The following SUN1 variants were observed in gnomAD, a reference collection of about 807,000 sequenced individuals.
SUN1 encodes SUN domain-containing protein 1.
SUN1 carries 61 observed loss-of-function variants against 103.2 expected under a neutral mutation model. The ratio of observed to expected loss-of-function variants is 0.59; its 90% confidence interval spans 0.48 to 0.73. SUN1 has a LOEUF of 0.73. Among genes scored for constraint, SUN1 ranks in the 30% least tolerant of loss-of-function variants. The pLI is 0.00. For missense variants in SUN1, 1,052 were observed against 1,034.6 expected (o/e 1.02, Z -0.23); for synonymous variants, 490 against 425.7 (o/e 1.15, Z -1.86).
At chr7:824,836 A>G (rs999772395) in intron 1 of SUN1, among the ~76,000 whole-genome samples, 9 of 147,144 alleles carry the variant, frequency 6.1e-5, no homozygotes, top group African/African-American at 2.0e-4. Context: ...GTGTGCTGGG[A>G]GGCAGTCCAG....
chr7:831,358 G>A (rs570294158), upstream of SUN1, among the ~76,000 whole-genome samples: 3 of 149,424 alleles, frequency 2.0e-5, no homozygotes, highest in East Asian at 2.0e-4. Context: ...TGCAAGCTCC[G>A]CCTCCCGGGT....
intron 1 of SUN1, among the ~76,000 whole-genome samples, chr7:824,511 T>C (rs1409892213): frequency 6.6e-6 from 1 of 152,242 alleles, no homozygotes; most frequent in African/African-American, 2.4e-5. Flanking sequence ...CCTAGACGCT[T>C]TGCAGTAATA....
intron 5 of SUN1, among the ~76,000 whole-genome samples, chr7:845,189 G>A (rs1221252077): frequency 2.0e-5 from 3 of 152,130 alleles, no homozygotes; most frequent in Non-Finnish European, 2.9e-5. Context: ...GTATGCTGGC[G>A]GTCAGGGCCC....
chr7:865,669 C>G (rs1279255934), intron 15 of SUN1, among the ~76,000 whole-genome samples: 5 of 152,182 alleles, frequency 3.3e-5, no homozygotes, highest in Non-Finnish European at 5.9e-5. Flanking sequence ...CTCCAAACCA[C>G]TCTCCATGGT....
chr7:841,244 A>T (rs1454524308), intron 2 of SUN1, among the ~76,000 whole-genome samples: 20 of 120,082 alleles, frequency 1.7e-4, no homozygotes, highest in Middle Eastern at 5.4e-3. Flanking sequence ...ATGACCACCT[A>T]TTTTTTTTTT....
intron 7 of SUN1, chr7:852,369 C>A: frequency 1.7e-6 from 1 of 605,880 alleles, no homozygotes; most frequent in Non-Finnish European, 2.9e-6. Context: ...GAAGGGGCAG[C>A]GACTCAGGGT....
At chr7:849,295 C>G (rs1245160830) in intron 5 of SUN1, among the ~76,000 whole-genome samples, 1 of 152,194 alleles carries the variant, frequency 6.6e-6, no homozygotes, top group African/African-American at 2.4e-5. Context: ...TTGTTTGGGC[C>G]ACACACACGA....
intron 14 of SUN1, 85 bp downstream of exon 14, chr7:860,467 A>G: frequency 6.4e-7 from 1 of 1,560,536 alleles, no homozygotes; most frequent in Non-Finnish European, 8.7e-7. Context: ...GTGGATGTTG[A>G]TGTCTTGTTT....
chr7:815,704 C>G (rs1267948038), upstream of SUN1, among the ~76,000 whole-genome samples: 1 of 152,254 alleles, frequency 6.6e-6, no homozygotes, highest in Non-Finnish European at 1.5e-5. Context: ...AGAAGAGAAC[C>G]TGCGAATTCC....
At chr7:828,698 A>G (rs1485418722), upstream of SUN1, among the ~76,000 whole-genome samples, 2 of 152,212 alleles carry the variant, frequency 1.3e-5, no homozygotes, top group Non-Finnish European at 2.9e-5. Flanking sequence ...AGCAAACACA[A>G]GATAAAAGGG....
chr7:854,900 C>G lies in SUN1; in HGVS notation c.1264-20C>G. On this transcript the variant is annotated intron_variant, in intron 10 of 18. Transcript: ENST00000401592. ...TGCTTAACTTTCTCCATCATTTGTT[C>G]ACTCCTTCTCTTTCCTAAGACTGAC... is the stretch of plus-strand genomic sequence containing the variant. 6.3e-7 allele frequency: 1 copy of G among 1,582,720 alleles called. No individual in the cohort carries two copies. Among genetic ancestry groups the G allele is most frequent in the South Asian group, 1.1e-5 (1 of 88,430 alleles).
Position 856,348 on chromosome 7 carries a change from T to A in SUN1, c.1351-10T>A, listed in dbSNP as rs1335907924. 1 of 1,613,902 alleles carries A rather than the reference T, an allele frequency of 6.2e-7. No individual in the cohort carries two copies. The highest frequency in any genetic ancestry group is 1.3e-5 in the African/African-American group (1 of 75,056). On this transcript the variant is annotated splice_polypyrimidine_tract_variant and intron_variant, in intron 11 of 18. Transcript: ENST00000401592. The stretch of plus-strand genomic sequence containing the variant: ...ATGTGTTTCAGTAGACTATTTCTCA[T>A]ACTTTTTAGGCCATCCAGAAGGAAC...
At chr7:828,565 C>A (rs969871773), upstream of SUN1, among the ~76,000 whole-genome samples, 1 of 152,238 alleles carries the variant, frequency 6.6e-6, no homozygotes, top group Non-Finnish European at 1.5e-5. Flanking sequence ...AGCCACCATG[C>A]CCGGCTGGAT....
intron 5 of SUN1, among the ~76,000 whole-genome samples, chr7:846,858 C>A (rs1037506033): frequency 6.6e-6 from 1 of 151,490 alleles, no homozygotes; most frequent in Non-Finnish European, 1.5e-5. Context: ...ACAAAAAATA[C>A]AAAACGTCAG....
chr7:818,386 CTG>C (rs1562454820), intron 1 of SUN1, among the ~76,000 whole-genome samples: 1 of 152,124 alleles, frequency 6.6e-6, no homozygotes, highest in African/African-American at 2.4e-5. Flanking sequence ...CTTTTTATGA[CTG>C]AATAATTGTC....
chr7:860,094 A>G, intron 13 of SUN1, 34 bp from the exon 14 acceptor site: 1 of 1,608,276 alleles, frequency 6.2e-7, no homozygotes, highest in Non-Finnish European at 8.5e-7. Context: ...TTTAGTTAAA[A>G]TAGGACATTT....
chr7:847,266 G>A (rs1440499734), intron 5 of SUN1, among the ~76,000 whole-genome samples: 4 of 151,510 alleles, frequency 2.6e-5, no homozygotes, highest in South Asian at 2.1e-4. Context: ...TCCCCTGGGG[G>A]TTACCCCGCA....
upstream of SUN1, chr7:831,166 G>A (rs962573957): frequency 7.5e-5 from 26 of 348,230 alleles, no homozygotes; most frequent in African/African-American, 3.6e-4. Context: ...CTGTTGAAGC[G>A]TAAGTTCCTG....
In SUN1 at chr7:874,716, T is replaced by C. The variant is rs941903662; in HGVS notation, c.*1385T>C. On this transcript the variant is annotated 3_prime_UTR_variant, in exon 19 of 19. Transcript: ENST00000401592. ...TCAAAATTTCCTATATAAAACTGATTTGGGATTTGGGGTGGAAATATTTTG... is the reference window on the plus strand; with the variant it reads ...TCAAAATTTCCTATATAAAACTGATCTGGGATTTGGGGTGGAAATATTTTG... 3 of 152,208 alleles carry C rather than the reference T, an allele frequency of 2.0e-5. No homozygotes were observed. Among genetic ancestry groups the C allele is most frequent in the African/African-American group, 4.8e-5 (2 of 41,460 alleles). The allele number at this position is 152,208 out of a possible 1,614,324, so 9.4% of individuals were successfully genotyped here.
Sources: allele counts gnomAD v4.1 joint callset (sites outside exome capture counted in the v4.1 genomes callset), GRCh38; gene constraint gnomAD v4.1.1; transcripts MANE v1.5; gene names NCBI Gene and HGNC (gene_info 2026-07-23, HGNC 2026-07-21).